The following ABI1 variants were observed in gnomAD, a reference collection of about 807,000 sequenced individuals.
The protein encoded by ABI1 is Abelson interactor 1.
A neutral mutation model predicts 54.6 loss-of-function variants in ABI1; 14 were observed. The ratio of observed to expected loss-of-function variants is 0.26; its 90% CI spans 0.17 to 0.40. The LOEUF is 0.40. Ranked by LOEUF, ABI1 falls within the 10% of genes least tolerant of loss-of-function variation. The pLI, the probability that ABI1 is intolerant of heterozygous loss-of-function variation, is 1.00. For synonymous variants in ABI1, 194 were observed against 209.3 expected (o/e 0.93, Z 0.63); for missense variants, 443 against 598.3 (o/e 0.74, Z 2.71).
intron 1 of ABI1, among the ~76,000 whole-genome samples, chr10:26,824,874 T>C (rs1034439130): frequency 3.9e-5 from 6 of 152,224 alleles, no homozygotes; most frequent in African/African-American, 1.4e-4. Flanking sequence ...ACAGTGTATA[T>C]ATAAAAGTTA....
intron 2 of ABI1, among the ~76,000 whole-genome samples, chr10:26,809,586 A>G (rs1053389313): frequency 6.6e-6 from 1 of 152,098 alleles, no homozygotes; most frequent in Non-Finnish European, 1.5e-5. Context: ...AAATAAAAAT[A>G]AAACAAAAAT....
At chr10:26,817,188 C>T (rs1009920164) in intron 2 of ABI1, among the ~76,000 whole-genome samples, 12 of 151,958 alleles carry the variant, frequency 7.9e-5, no homozygotes, top group Admixed American at 3.9e-4. Flanking sequence ...TTAGTAGAGA[C>T]GGGGTTTCAC....
intron 1 of ABI1, among the ~76,000 whole-genome samples, chr10:26,829,607 TAAAC>T (rs1397940774): frequency 1.3e-5 from 2 of 152,018 alleles, no homozygotes; most frequent in South Asian, 2.1e-4. Flanking sequence ...TTTTAATAAA[TAAAC>T]AACAAAACAA....
At chr10:26,786,446 T>C (rs576287554) in intron 2 of ABI1, among the ~76,000 whole-genome samples, 1 of 151,936 alleles carries the variant, frequency 6.6e-6, no homozygotes, top group Non-Finnish European at 1.5e-5. Context: ...AACTCCTGAC[T>C]TGACTTCAAG....
Position 26,823,184 on chromosome 10 carries a change from G to A in ABI1, c.239C>T (p.Ala80Val). Residue 80 changes from alanine to valine, a missense_variant, in exon 2 of 11, where the codon GCC becomes GTC. Ala to Val is a moderately conservative substitution (Grantham distance 64). Around this residue, in one of 2 missense-constraint regions of ABI1, gnomAD observed 394 missense variants for 484.8 expected, o/e 0.81. Coordinates refer to ENST00000376140, the MANE Select transcript of ABI1 (RefSeq NM_001012750.3). The stretch of plus-strand genomic sequence containing the variant: ...AGACTCCATTCTCCGAAGCTGAGAG[G>A]CTTGGATATCCAGCAACTGGAGTAC... ...NNVLQLLDIQ[A>V]SQLRRMESSI... The A allele has an allele frequency of 1.9e-6, 3 of 1,602,288 alleles. No individual in the cohort carries two copies. Among genetic ancestry groups the A allele is most frequent in the Non-Finnish European group, 2.6e-6 (3 of 1,176,386 alleles).
chr10:26,833,951 C>T (rs117065106), intron 1 of ABI1, among the ~76,000 whole-genome samples: 3,263 of 152,174 alleles, frequency 0.021, 230 homozygotes, highest in East Asian at 0.2. Flanking sequence ...ATACTGGGGC[C>T]GGGCACAGTG....
chr10:26,758,601 A>C (rs147221928), intron 8 of ABI1, among the ~76,000 whole-genome samples: 40 of 152,294 alleles, frequency 2.6e-4, no homozygotes, highest in African/African-American at 8.9e-4. Flanking sequence ...TCGGTTTTGA[A>C]CTCATTTCTG....
At chr10:26,760,656 G>A (rs567760507) in intron 7 of ABI1, among the ~76,000 whole-genome samples, 5 of 152,146 alleles carry the variant, frequency 3.3e-5, no homozygotes, top group East Asian at 3.9e-4. Context: ...TTGGGAGGCC[G>A]AGGCAGGCGG....
chr10:26,798,737 A>G (rs945390510), intron 2 of ABI1, among the ~76,000 whole-genome samples: 3 of 151,976 alleles, frequency 2.0e-5, no homozygotes, highest in African/African-American at 4.8e-5. Context: ...CAGGTTCAAA[A>G]AGTATAAATA....
intron 3 of ABI1, among the ~76,000 whole-genome samples, chr10:26,775,072 T>A (rs1841212958): frequency 6.6e-6 from 1 of 151,314 alleles, no homozygotes; most frequent in Admixed American, 6.6e-5. Flanking sequence ...AATTTTAAAA[T>A]AAACTTAAAC....
At chr10:26,848,438 C>T (rs1223707629) in intron 1 of ABI1, among the ~76,000 whole-genome samples, 2 of 151,912 alleles carry the variant, frequency 1.3e-5, no homozygotes, top group Non-Finnish European at 2.9e-5. Flanking sequence ...TTCATATCAA[C>T]AAATTACTAA....
intron 9 of ABI1, among the ~76,000 whole-genome samples, chr10:26,754,316 AT>A (rs1016851205): frequency 6.6e-6 from 1 of 152,136 alleles, no homozygotes; most frequent in Non-Finnish European, 1.5e-5. Flanking sequence ...CACCTGGCTA[AT>A]TTTTTATTTT....
chr10:26,853,388 A>T (rs866138166), intron 1 of ABI1, among the ~76,000 whole-genome samples: 3 of 151,550 alleles, frequency 2.0e-5, no homozygotes, highest in Middle Eastern at 3.2e-3. Context: ...CTGGGGTTTG[A>T]CTATTATTTC....
intron 2 of ABI1, among the ~76,000 whole-genome samples, chr10:26,804,383 A>T (rs899970217): frequency 1.8e-4 from 27 of 146,936 alleles, no homozygotes; most frequent in African/African-American, 3.4e-4. Flanking sequence ...GCTCTATTTA[A>T]AAAAAAAAAA....
chr10:26,829,003 GAT>G, intron 1 of ABI1, among the ~76,000 whole-genome samples: 2 of 151,930 alleles, frequency 1.3e-5, no homozygotes, highest in Middle Eastern at 6.8e-3. Flanking sequence ...AAGGCGGGCG[GAT>G]CACGAGCTCA....
intron 2 of ABI1, among the ~76,000 whole-genome samples, chr10:26,791,400 A>G (rs1177551264): frequency 6.6e-6 from 1 of 152,158 alleles, no homozygotes; most frequent in Non-Finnish European, 1.5e-5. Flanking sequence ...CCATCTACTC[A>G]CAACCACACA....
Position 26,747,251 on chromosome 10 carries a change from A to G in ABI1, c.*1319T>C, listed in dbSNP as rs935390261. 4 of 224,966 alleles carry G rather than the reference A, an allele frequency of 1.8e-5. No individual in the cohort carries two copies. The highest frequency in any genetic ancestry group is 8.9e-5 in the African/African-American group (4 of 44,902). 13.9% of individuals were successfully genotyped at this position (224,966 alleles called of 1,614,324 possible). A position where few individuals can be genotyped will look rare whatever the true frequency, so the allele number is the denominator to read the frequency against. Reference sequence around the variant, plus strand: ...AGTGCTCTACTTTAATATCCTAAGCAATAGAGAATTATACACAAGACAAGA... The same window carrying G: ...AGTGCTCTACTTTAATATCCTAAGCGATAGAGAATTATACACAAGACAAGA... On this transcript the variant is annotated 3_prime_UTR_variant, in exon 11 of 11. Transcript: ENST00000376140.
chr10:26,770,256 C>A lies in ABI1; in HGVS notation c.567G>T (p.Arg189=). Residue 189 remains arginine, a synonymous_variant, in exon 5 of 11, where the codon CGG becomes CGT. Transcript: ENST00000376140. ...QKPPSPPMSG[R]GTLGRNTPYK... is the part of the protein sequence containing the mutation. ...AGTTGAATTCTTACCCCAGTGTTCC[C>A]CGGCCTGACATGGGAGGACTTGGCG... 6.2e-7 allele frequency: 1 copy of A among 1,613,784 alleles called. No homozygotes were observed. The highest frequency in any genetic ancestry group is 8.5e-7 in the Non-Finnish European group (1 of 1,179,756).
intron 2 of ABI1, among the ~76,000 whole-genome samples, chr10:26,813,656 A>C (rs1487377493): frequency 6.6e-6 from 1 of 152,208 alleles, no homozygotes; most frequent in Non-Finnish European, 1.5e-5. Context: ...ACATACTTCA[A>C]CCCAAACAAC....
Sources: gnomAD v4.1 joint callset for allele counts (sites outside exome capture counted in the v4.1 genomes callset) on GRCh38, gnomAD v4.1.1 for gene constraint, gnomAD v4.1.1 regional missense constraint, MANE v1.5 for transcripts, NCBI Gene and HGNC (gene_info 2026-07-23, HGNC 2026-07-21) for gene names.